The following PCDH9 variants were observed in gnomAD, a reference collection of about 807,000 sequenced individuals.
The protein encoded by PCDH9 is protocadherin 9.
A neutral mutation model predicts 70.6 loss-of-function variants in PCDH9; 24 were observed. The observed-to-expected ratio is 0.34, with a 90% confidence interval of 0.25 to 0.48. The LOEUF (loss-of-function observed/expected upper bound fraction) is 0.48. PCDH9 is among the 20% of genes least tolerant of loss of function. PCDH9 has a pLI of 0.99. For missense variants in PCDH9, 1,281 were observed against 1,503.6 expected (o/e 0.85, Z 2.45); for synonymous variants, 562 against 558.5 (o/e 1.01, Z -0.09).
intron 3 of PCDH9, among the ~76,000 whole-genome samples, chr13:66,838,374 A>T (rs7995473): frequency 0.012 from 1,828 of 150,596 alleles, 28 homozygotes; most frequent in African/African-American, 0.036. Flanking sequence ...TTCTTTTTTT[A>T]AAAAAAAAAT....
In PCDH9 at chr13:66,931,420, A is replaced by G. The variant is rs148890811; in HGVS notation, c.3037-27815T>C. ...ACCCTACTCAGTGATTTATAAATAT[A>G]TGGTTGAGGAGTCTCCAAAAAAATA... On this transcript the variant is annotated intron_variant, in intron 2 of 4. Transcript: ENST00000377865. Among the ~76,000 whole-genome samples, 149 of 152,226 alleles carry G rather than the reference A, an allele frequency of 9.8e-4. 1 individual carries two copies. Among genetic ancestry groups the G allele is most frequent in the African/African-American group, 3.5e-3 (146 of 41,542 alleles).
intron 2 of PCDH9, among the ~76,000 whole-genome samples, chr13:67,106,157 A>G (rs1380379018): frequency 6.6e-6 from 1 of 152,182 alleles, no homozygotes; most frequent in Non-Finnish European, 1.5e-5. Flanking sequence ...GGAGTCAAAA[A>G]AAGTATCCTT....
At chr13:66,677,704 T>A (rs1460152031) in intron 3 of PCDH9, among the ~76,000 whole-genome samples, 1 of 152,064 alleles carries the variant, frequency 6.6e-6, no homozygotes, top group Non-Finnish European at 1.5e-5. Flanking sequence ...CCTTCTGCCA[T>A]GATTAAAAGT....
At chr13:66,870,406 G>A (rs899358370) in intron 3 of PCDH9, among the ~76,000 whole-genome samples, 2 of 152,092 alleles carry the variant, frequency 1.3e-5, no homozygotes, top group Non-Finnish European at 2.9e-5. Flanking sequence ...TTAAACTAAA[G>A]AGCTTCTTCA....
intron 4 of PCDH9, among the ~76,000 whole-genome samples, chr13:66,420,261 C>T (rs1260001642): frequency 3.3e-5 from 5 of 152,182 alleles, no homozygotes; most frequent in African/African-American, 7.2e-5. Context: ...CAGACTTAAA[C>T]GTTCCTGCCT....
rs144772003 is a variant in PCDH9, at chr13:66,956,089, A to G, written c.3037-52484T>C. ...TGCACCCCAGAAACTCCATCTCAAAAAAATAAAAACAAACAAAAACAGAGG... is the reference window on the plus strand; with the variant it reads ...TGCACCCCAGAAACTCCATCTCAAAGAAATAAAAACAAACAAAAACAGAGG... On this transcript the variant is annotated intron_variant, in intron 2 of 4. Coordinates refer to ENST00000377865, the MANE Select transcript of PCDH9 (RefSeq NM_203487.3). Among the ~76,000 whole-genome samples the G allele has an allele frequency of 5.4e-3, 817 of 152,092 alleles. 4 individuals carry two copies. The highest frequency in any genetic ancestry group is 0.012 in the Admixed American group (186 of 15,286).
chr13:66,935,734 T>A (rs1430537241), intron 2 of PCDH9, among the ~76,000 whole-genome samples: 1 of 152,140 alleles, frequency 6.6e-6, no homozygotes, highest in Non-Finnish European at 1.5e-5. Flanking sequence ...ATTAAATAGT[T>A]CTACTAGTCA....
At chr13:67,218,208 C>A (rs535293214) in intron 2 of PCDH9, 1 of 152,066 alleles carries the variant, frequency 6.6e-6, no homozygotes, top group Non-Finnish European at 1.5e-5. Context: ...TGTGTTCATA[C>A]AGATCTATGC....
intron 3 of PCDH9, among the ~76,000 whole-genome samples, chr13:66,842,402 T>C (rs142135828): frequency 2.1e-4 from 32 of 152,292 alleles, no homozygotes; most frequent in African/African-American, 5.5e-4. Flanking sequence ...GCTATCTGCA[T>C]TGAACAGAAA....
chr13:66,939,697 C>T (rs934387454), intron 2 of PCDH9, among the ~76,000 whole-genome samples: 49 of 152,166 alleles, frequency 3.2e-4, no homozygotes, highest in African/African-American at 1.2e-3. Context: ...GAATTACAGG[C>T]ATGAGTCACC....
intron 4 of PCDH9, among the ~76,000 whole-genome samples, chr13:66,322,877 A>T (rs1955779459): frequency 6.6e-6 from 1 of 152,042 alleles, no homozygotes; most frequent in South Asian, 2.1e-4. Context: ...AATGGATTAC[A>T]AAAAAAGTAT....
chr13:66,903,477 C>A, intron 3 of PCDH9, 27 bp downstream of exon 3: 3 of 917,756 alleles, frequency 3.3e-6, no homozygotes, highest in Admixed American at 1.9e-5. Context: ...TCAGTACTAA[C>A]ATGTTCTCTA....
chr13:66,608,255 A>G (rs1055020049), intron 4 of PCDH9, among the ~76,000 whole-genome samples: 3 of 152,090 alleles, frequency 2.0e-5, no homozygotes, highest in African/African-American at 7.2e-5. Context: ...ACACATTATC[A>G]TAGATTTAAG....
At chr13:67,134,179 TA>T (rs1183474142) in intron 2 of PCDH9, among the ~76,000 whole-genome samples, 1 of 152,060 alleles carries the variant, frequency 6.6e-6, no homozygotes, top group African/African-American at 2.4e-5. Flanking sequence ...TCCAATTAAA[TA>T]AAAAAACTAA....
intron 2 of PCDH9, among the ~76,000 whole-genome samples, chr13:67,014,249 C>A (rs2139846369): frequency 6.6e-6 from 1 of 152,182 alleles, no homozygotes; most frequent in African/African-American, 2.4e-5. Flanking sequence ...GTAAGATTGT[C>A]TTATATTGAT....
intron 4 of PCDH9, among the ~76,000 whole-genome samples, chr13:66,464,777 G>C (rs1958488379): frequency 6.6e-6 from 1 of 151,926 alleles, no homozygotes; most frequent in South Asian, 2.1e-4. Flanking sequence ...TTATGAAAAG[G>C]AGAATTTAGA....
chr13:66,320,659 T>A (rs1260698330), intron 4 of PCDH9, among the ~76,000 whole-genome samples: 1 of 151,994 alleles, frequency 6.6e-6, no homozygotes, highest in African/African-American at 2.4e-5. Flanking sequence ...TTATAACTAA[T>A]GAATTACTTG....
intron 4 of PCDH9, among the ~76,000 whole-genome samples, chr13:66,528,151 A>G (rs1262525327): frequency 6.6e-6 from 1 of 152,186 alleles, no homozygotes; most frequent in African/African-American, 2.4e-5. Context: ...TCAGTTGACT[A>G]GAATTAGAAA....
intron 2 of PCDH9, among the ~76,000 whole-genome samples, chr13:67,000,543 C>T (rs1030413768): frequency 3.0e-4 from 45 of 151,480 alleles, no homozygotes; most frequent in African/African-American, 1.1e-3. Context: ...CTAAACAAAT[C>T]CAATAAAGTT....
Sources: allele counts gnomAD v4.1 joint callset (sites outside exome capture counted in the v4.1 genomes callset), GRCh38; gene constraint gnomAD v4.1.1; transcripts MANE v1.5; gene names NCBI Gene and HGNC (gene_info 2026-07-23, HGNC 2026-07-21).